The following MDGA2 variants were observed in gnomAD, a reference collection of about 807,000 sequenced individuals.
MDGA2 encodes MAM domain containing glycosylphosphatidylinositol anchor 2, also known as MAM domain-containing glycosylphosphatidylinositol anchor protein 2.
A neutral mutation model predicts 117.8 loss-of-function variants in MDGA2; 40 were observed. That is an observed-to-expected ratio of 0.34 (90% CI 0.26 to 0.44). The LOEUF is 0.44. Among genes scored for constraint, MDGA2 ranks in the 20% least tolerant of loss-of-function variants. The probability of loss-of-function intolerance (pLI) is 1.00; values close to 1 mark genes in which losing one functional copy is unlikely to be tolerated. For missense variants in MDGA2, 1,123 were observed against 1,250.6 expected (o/e 0.90, Z 1.54); for synonymous variants, 452 against 439.0 (o/e 1.03, Z -0.37).
chr14:47,113,457 A>T (rs887219295), intron 5 of MDGA2, among the ~76,000 whole-genome samples: 2 of 152,128 alleles, frequency 1.3e-5, no homozygotes, highest in Non-Finnish European at 2.9e-5. Flanking sequence ...GAGATACAAT[A>T]AAAAAAGGAA....
At chr14:47,419,682 G>T (rs565419481) in intron 1 of MDGA2, among the ~76,000 whole-genome samples, 4 of 151,982 alleles carry the variant, frequency 2.6e-5, no homozygotes, top group Non-Finnish European at 5.9e-5. Flanking sequence ...TTAAAATCAT[G>T]TAAAGAAAAT....
chr14:47,518,874 C>T (rs1894808996), intron 1 of MDGA2, among the ~76,000 whole-genome samples: 1 of 152,080 alleles, frequency 6.6e-6, no homozygotes, highest in African/African-American at 2.4e-5. Flanking sequence ...CCAACTTTTG[C>T]CTCTTTTGGA....
intron 1 of MDGA2, among the ~76,000 whole-genome samples, chr14:47,649,575 C>G (rs1897599196): frequency 6.6e-6 from 1 of 152,062 alleles, no homozygotes; most frequent in Non-Finnish European, 1.5e-5. Flanking sequence ...ATTCCAGCTA[C>G]TCAGGAGGCT....
At chr14:47,647,473 T>C (rs1396052077) in intron 1 of MDGA2, among the ~76,000 whole-genome samples, 1 of 152,104 alleles carries the variant, frequency 6.6e-6, no homozygotes, top group East Asian at 1.9e-4. Flanking sequence ...ATTCCACTTC[T>C]CCATTTGGCT....
chr14:47,012,284 A>T (rs1461008470), intron 8 of MDGA2, among the ~76,000 whole-genome samples: 1 of 152,150 alleles, frequency 6.6e-6, no homozygotes, highest in African/African-American at 2.4e-5. Context: ...AACCTCCATG[A>T]TGCAAATGGT....
intron 1 of MDGA2, among the ~76,000 whole-genome samples, chr14:47,328,679 T>A (rs1331876270): frequency 6.6e-6 from 1 of 152,132 alleles, no homozygotes; most frequent in Non-Finnish European, 1.5e-5. Context: ...GTTTTTACTT[T>A]TCCAGGTATC....
intron 1 of MDGA2, among the ~76,000 whole-genome samples, chr14:47,583,892 C>T (rs1275674599): frequency 6.6e-6 from 1 of 151,788 alleles, no homozygotes; most frequent in Non-Finnish European, 1.5e-5. Flanking sequence ...ATCCTCAACA[C>T]ATTTTAGTTA....
At chr14:47,229,714 A>G (rs1193352497) in intron 2 of MDGA2, among the ~76,000 whole-genome samples, 4 of 152,024 alleles carry the variant, frequency 2.6e-5, no homozygotes, top group Non-Finnish European at 4.4e-5. Context: ...TCATTAAAAA[A>G]AAAATTAAAC....
chr14:47,482,470 T>C (rs1324924986), intron 1 of MDGA2, among the ~76,000 whole-genome samples: 1 of 152,068 alleles, frequency 6.6e-6, no homozygotes, highest in Admixed American at 6.6e-5. Context: ...AACCTCTGTC[T>C]TTCACCGGGC....
intron 1 of MDGA2, among the ~76,000 whole-genome samples, chr14:47,461,825 C>A (rs1324281159): frequency 1.3e-5 from 2 of 152,104 alleles, no homozygotes; most frequent in Non-Finnish European, 2.9e-5. Context: ...CCCAGAAACC[C>A]AATTTAATTT....
intron 1 of MDGA2, among the ~76,000 whole-genome samples, chr14:47,596,284 T>G (rs1168151093): frequency 6.6e-6 from 1 of 152,146 alleles, no homozygotes; most frequent in Non-Finnish European, 1.5e-5. Flanking sequence ...AGTCAAGAAG[T>G]AGGACTTTCA....
intron 6 of MDGA2, among the ~76,000 whole-genome samples, chr14:47,066,019 A>G (rs1890066504): frequency 6.6e-6 from 1 of 152,200 alleles, no homozygotes; most frequent in South Asian, 2.1e-4. Flanking sequence ...AAAAATATCT[A>G]TGTGTGAAAG....
At position 47,621,363 on chromosome 14, in the gene MDGA2, T is replaced by A. The variant is rs570555009; in HGVS notation, c.280+53154A>T. ...TTTTTTACTGTTTCTTAAAAAAAAA[T>A]TTTTTTTTTAGAGACATGGACTTGC... On this transcript the variant is annotated intron_variant, in intron 1 of 16. Coordinates refer to ENST00000399232, the MANE Select transcript of MDGA2 (RefSeq NM_001113498.3). Among the ~76,000 whole-genome samples the A allele has an allele frequency of 9.3e-4, 140 of 150,446 alleles. 2 individuals are homozygous for A. The highest frequency in any genetic ancestry group is 2.4e-3 in the African/African-American group (100 of 41,030).
chr14:47,015,038 A>T (rs191519546), intron 8 of MDGA2, among the ~76,000 whole-genome samples: 1 of 152,156 alleles, frequency 6.6e-6, no homozygotes, highest in Non-Finnish European at 1.5e-5. Context: ...TAACTGGCCT[A>T]ATTGTAATAT....
At chr14:46,878,866 T>C (rs1882336081) in intron 11 of MDGA2, among the ~76,000 whole-genome samples, 1 of 152,098 alleles carries the variant, frequency 6.6e-6, no homozygotes, top group Non-Finnish European at 1.5e-5. Context: ...TGTATGTACA[T>C]GTAAAGCTCT....
rs2138612685 is a variant in MDGA2 at position 46,951,471 on chromosome 14, A to T, written c.2089+5903T>A. On this transcript the variant is annotated intron_variant, in intron 9 of 16. Transcript: ENST00000399232. ...TACAGAATGTCACTTCTGTGATCGT[A>T]TTATGTACATAAGATTCCATTTTAG... Among the ~76,000 whole-genome samples, 3 of 152,074 alleles carry T rather than the reference A, an allele frequency of 2.0e-5. 1 individual carries two copies. The Middle Eastern group carries it at 0.01, about 517-fold the overall frequency.
At chr14:47,182,615 A>G (rs1884752251) in intron 3 of MDGA2, among the ~76,000 whole-genome samples, 1 of 152,172 alleles carries the variant, frequency 6.6e-6, no homozygotes, top group Admixed American at 6.5e-5. Flanking sequence ...ACACATTTCT[A>G]TTGTTTATAC....
chr14:47,047,363 T>C (rs1218699933), intron 7 of MDGA2, among the ~76,000 whole-genome samples: 1 of 152,064 alleles, frequency 6.6e-6, no homozygotes, highest in Non-Finnish European at 1.5e-5. Flanking sequence ...CTGATGAAAA[T>C]AAGAATTTAA....
At chr14:46,956,991 A>G (rs1885587506) in intron 9 of MDGA2, among the ~76,000 whole-genome samples, 1 of 152,084 alleles carries the variant, frequency 6.6e-6, no homozygotes, top group Admixed American at 6.6e-5. Context: ...CCATGACTGT[A>G]AGTTTCCTGA....
Sources: gnomAD v4.1 joint callset for allele counts (sites outside exome capture counted in the v4.1 genomes callset) on GRCh38, gnomAD v4.1.1 for gene constraint, MANE v1.5 for transcripts, NCBI Gene and HGNC (gene_info 2026-07-23, HGNC 2026-07-21) for gene names.